Variants in TUBB6 observed in about 807,000 individuals in gnomAD.
TUBB6 encodes the protein tubulin beta-6 chain.
A neutral mutation model predicts 32.3 loss-of-function variants in TUBB6; 18 were observed. The observed-to-expected ratio is 0.56, with a 90% CI of 0.39 to 0.83. TUBB6 has a LOEUF of 0.83. Ranked by LOEUF, TUBB6 falls within the 40% of genes least tolerant of loss-of-function variation. TUBB6 has a pLI of 0.00. For missense variants in TUBB6, 480 were observed against 632.0 expected (o/e 0.76, Z 2.58); for synonymous variants, 280 against 265.8 (o/e 1.05, Z -0.52).
chr18:12,310,272 A>T lies in TUBB6; in HGVS notation c.167-671A>T, dbSNP rs980094248. Among the ~76,000 whole-genome samples, 4 of 151,776 alleles carry T rather than the reference A, an allele frequency of 2.6e-5. No homozygotes were observed. The East Asian group carries it at 7.8e-4, about 29-fold the overall frequency. ...TGGGAGGCCGAGGTGGGCAGATCAC[A>T]AGGTCAGGAGATCGAGACCATCCTG... On this transcript the variant is annotated intron_variant, in intron 2 of 3. Coordinates refer to ENST00000317702, the MANE Select transcript of TUBB6 (RefSeq NM_032525.3).
At chr18:12,308,869 C>A in intron 2 of TUBB6, 74 bp downstream of exon 2, 1 of 1,026,128 alleles carries the variant, frequency 9.7e-7, no homozygotes, top group Non-Finnish European at 1.5e-6. Flanking sequence ...CTTAGCGCGG[C>A]GAGTTTGCTT....
At chr18:12,316,096 GC>G (rs1197644033) in intron 3 of TUBB6, among the ~76,000 whole-genome samples, 1 of 152,258 alleles carries the variant, frequency 6.6e-6, no homozygotes. Flanking sequence ...CTGGATGGGT[GC>G]CCCGAGGAGG....
chr18:12,314,146 G>C (rs552450009), intron 3 of TUBB6, among the ~76,000 whole-genome samples: 2 of 152,192 alleles, frequency 1.3e-5, no homozygotes, highest in African/African-American at 4.8e-5. Context: ...CCGGGAGAGG[G>C]AAACTGAGCA....
chr18:12,308,420 C>G, intron 1 of TUBB6, 71 bp downstream of exon 1: 1 of 1,195,938 alleles, frequency 8.4e-7, no homozygotes, highest in Non-Finnish European at 1.1e-6. Context: ...CCGGCGCGAC[C>G]CCCGCCGGGG....
chr18:12,309,208 C>T (rs1906209263), intron 2 of TUBB6, among the ~76,000 whole-genome samples: 2 of 146,552 alleles, frequency 1.4e-5, no homozygotes, highest in South Asian at 4.5e-4. Context: ...CCGATCTCTA[C>T]AACAATTTTA....
At position 12,326,335 on chromosome 18, in the gene TUBB6, G is replaced by A. The variant is rs951719552; in HGVS notation, c.*205G>A. 6.8e-6 allele frequency: 5 copies of A among 732,326 alleles called. No individual in the cohort carries two copies. The highest frequency in any genetic ancestry group is 8.5e-6 in the Non-Finnish European group (4 of 471,168). 45.4% of individuals were successfully genotyped at this position (732,326 alleles called of 1,614,324 possible). A position where few individuals can be genotyped will look rare whatever the true frequency, so the allele number is the denominator to read the frequency against. ...AATTGCGGGTTCTACCCAGTCAGAA[G>A]ATCACACCATGGAGACTTTCTACTA... On this transcript the variant is annotated 3_prime_UTR_variant, in exon 4 of 4. Coordinates refer to ENST00000317702, the MANE Select transcript of TUBB6 (RefSeq NM_032525.3).
intron 1 of TUBB6, 124 bp downstream of exon 1, chr18:12,308,473 G>A: frequency 1.2e-6 from 1 of 851,126 alleles, no homozygotes; most frequent in Non-Finnish European, 1.6e-6. Context: ...AGCCCGGTGC[G>A]GACCCGCGAG....
At chr18:12,329,602 T>TC, downstream of TUBB6, 1 of 1,614,172 alleles carries the variant, frequency 6.2e-7, no homozygotes, top group Non-Finnish European at 8.5e-7. Flanking sequence ...CTCCTCTTTC[T>TC]CCTTTTCCCG....
chr18:12,327,447 T>C (rs1456935655), downstream of TUBB6, among the ~76,000 whole-genome samples: 1 of 152,260 alleles, frequency 6.6e-6, no homozygotes, highest in Admixed American at 6.5e-5. Flanking sequence ...ATTTATTTTG[T>C]GTTAAGCCCC....
intron 2 of TUBB6, among the ~76,000 whole-genome samples, chr18:12,310,654 T>TTTTG (rs150524614): frequency 5.9e-5 from 9 of 151,684 alleles, no homozygotes; most frequent in Non-Finnish European, 1.2e-4. Flanking sequence ...TTTCTTGGTT[T>TTTTG]TTTGTTTGTT....
At chr18:12,308,622 C>T in intron 1 of TUBB6, 65 bp from the exon 2 acceptor site, 2 of 1,230,008 alleles carry the variant, frequency 1.6e-6, no homozygotes, top group South Asian at 2.5e-5. Flanking sequence ...CTGGGGTGGG[C>T]GCGGGTGGCG....
intron 3 of TUBB6, among the ~76,000 whole-genome samples, chr18:12,319,435 C>T (rs771721506): frequency 4.6e-5 from 7 of 151,946 alleles, no homozygotes; most frequent in South Asian, 2.1e-4. Flanking sequence ...TGTGAGCCAC[C>T]GCGCCCGGCC....
chr18:12,309,392 A>C, intron 2 of TUBB6, among the ~76,000 whole-genome samples: 1 of 87,342 alleles, frequency 1.1e-5, no homozygotes. Context: ...TGGGAAAAAC[A>C]AAGCTTCCCC....
Position 12,326,097 on chromosome 18 carries a change from T to C in TUBB6, c.1308T>C (p.Ala436=). 3 of 1,613,976 alleles carry C rather than the reference T, an allele frequency of 1.9e-6. No homozygotes were observed. Among genetic ancestry groups the C allele is most frequent in the Non-Finnish European group, 2.5e-6 (3 of 1,179,926 alleles). Residue 436 remains alanine, a synonymous_variant, in exon 4 of 4, where the codon GCT becomes GCC. Transcript: ENST00000317702. ...CCACCGCCAATGACGGGGAGGAAGC[T>C]TTTGAGGATGAGGAAGAGGAGATCG... The part of the protein sequence containing the change: ...QDATANDGEE[A]FEDEEEEIDG
intron 2 of TUBB6, among the ~76,000 whole-genome samples, chr18:12,309,007 A>G (rs1906191399): frequency 6.6e-6 from 1 of 152,068 alleles, no homozygotes; most frequent in African/African-American, 2.4e-5. Flanking sequence ...GAGCGCTTGA[A>G]CGGGACCACC....
chr18:12,322,188 C>G (rs1230094925), intron 3 of TUBB6, among the ~76,000 whole-genome samples: 1 of 151,780 alleles, frequency 6.6e-6, no homozygotes, highest in Non-Finnish European at 1.5e-5. Flanking sequence ...GTAATCCCAG[C>G]TTCTCGGGGG....
Position 12,315,958 on chromosome 18 carries a change from T to C in TUBB6, c.277+4905T>C, listed in dbSNP as rs9947753. ...CCTTAACTCTGTCAAAAAAAAGATA[T>C]CAGTTGTCTCAAAGGTGTGGTCACG... On this transcript the variant is annotated intron_variant, in intron 3 of 3. Transcript: ENST00000317702. Among the ~76,000 whole-genome samples, 592 of 152,290 alleles carry C rather than the reference T, an allele frequency of 3.9e-3. 8 individuals are homozygous for C. The highest frequency in any genetic ancestry group is 0.014 in the African/African-American group (563 of 41,566).
chr18:12,308,657 C>G (rs780501044), intron 1 of TUBB6, 30 bp from the exon 2 acceptor site: 3 of 1,468,094 alleles, frequency 2.0e-6, no homozygotes, highest in Admixed American at 1.7e-5. Context: ...GGGTTCTGAG[C>G]GTCTGTCCCC....
intron 3 of TUBB6, among the ~76,000 whole-genome samples, chr18:12,318,140 G>A (rs982858978): frequency 1.1e-4 from 16 of 152,010 alleles, no homozygotes; most frequent in Admixed American, 9.8e-4. Flanking sequence ...TATTTTGACA[G>A]CTGCCCTGGG....
Sources: allele counts gnomAD v4.1 joint callset (sites outside exome capture counted in the v4.1 genomes callset), GRCh38; gene constraint gnomAD v4.1.1; transcripts MANE v1.5; gene names NCBI Gene and HGNC (gene_info 2026-07-23, HGNC 2026-07-21).